BLTP1: variants seen among roughly 807,000 people sequenced by gnomAD.
BLTP1 encodes fragile site-associated protein.
the BLTP1 span, chr4:122,220,617 G>T: frequency 1.6e-6 from 1 of 640,008 alleles, no homozygotes; most frequent in Non-Finnish European, 2.6e-6. Flanking sequence ...AGTTTTGTAT[G>T]TATGTTTATG....
At chr4:122,209,829 T>C in the BLTP1 span, 130 of 1,613,258 alleles carry the variant, frequency 8.1e-5, 1 homozygote, top group Admixed American at 2.2e-3. Flanking sequence ...TCTGGTTGGG[T>C]TGAATGCTGG....
chr4:122,226,528 T>G, the BLTP1 span: 4 of 1,421,498 alleles, frequency 2.8e-6, no homozygotes, highest in Non-Finnish European at 3.7e-6. Flanking sequence ...AACATAAGCA[T>G]GTAAATGATA....
the BLTP1 span, chr4:122,276,935 T>A: frequency 1.0e-6 from 1 of 985,392 alleles, no homozygotes. Flanking sequence ...CTTCATATCT[T>A]TGAGACTATA....
At chr4:122,253,558 A>G in the BLTP1 span, among the ~76,000 whole-genome samples, 2 of 152,110 alleles carry the variant, frequency 1.3e-5, no homozygotes. Context: ...AGCAGAAGAA[A>G]GAATTAATGA....
At chr4:122,314,222 C>T in the BLTP1 span, 3 of 606,416 alleles carry the variant, frequency 4.9e-6, no homozygotes, top group Admixed American at 1.3e-4. Context: ...AATAATGTAA[C>T]ATGAATCATG....
At chr4:122,213,737 A>T in the BLTP1 span, among the ~76,000 whole-genome samples, 2 of 152,140 alleles carry the variant, frequency 1.3e-5, no homozygotes, top group African/African-American at 4.8e-5. Context: ...ATTTATGAGG[A>T]CATGTATGGA....
At chr4:122,340,953 T>C in the BLTP1 span, 5 of 441,968 alleles carry the variant, frequency 1.1e-5, no homozygotes, top group Non-Finnish European at 1.5e-5. Flanking sequence ...AAGGCAAAAA[T>C]TGAAATATGG....
chr4:122,254,833 C>G, the BLTP1 span: 1 of 1,602,886 alleles, frequency 6.2e-7, no homozygotes, highest in South Asian at 1.1e-5. Flanking sequence ...CACTGCAACA[C>G]CAGCTGTTGG....
At chr4:122,169,880 T>C in the BLTP1 span, 4 of 984,970 alleles carry the variant, frequency 4.1e-6, no homozygotes, top group African/African-American at 1.7e-5. Flanking sequence ...GGAGAATACA[T>C]AGAGGTGATG....
the BLTP1 span, among the ~76,000 whole-genome samples, chr4:122,273,682 C>G: frequency 6.6e-6 from 1 of 151,896 alleles, no homozygotes; most frequent in Non-Finnish European, 1.5e-5. Flanking sequence ...TTTGACTCAG[C>G]AATTCGAGGT....
chr4:122,164,355 C>T, the BLTP1 span: 1 of 947,994 alleles, frequency 1.1e-6, no homozygotes, highest in Non-Finnish European at 1.3e-6. Flanking sequence ...TATTACACGC[C>T]AGTTGTAAAA....
chr4:122,281,191 G>A, the BLTP1 span: 2 of 419,248 alleles, frequency 4.8e-6, no homozygotes. Context: ...AGTAGTAGTA[G>A]TAGTAATGTC....
the BLTP1 span, chr4:122,186,900 A>G: frequency 2.6e-6 from 1 of 380,564 alleles, no homozygotes; most frequent in East Asian, 1.6e-4. Flanking sequence ...TGTACTTTGT[A>G]TATGGCCAGT....
chr4:122,323,918 T>C, the BLTP1 span, among the ~76,000 whole-genome samples: 1 of 152,008 alleles, frequency 6.6e-6, no homozygotes, highest in South Asian at 2.1e-4. Context: ...TATTAAAATC[T>C]TTTAACTATC....
chr4:122,325,459 A>G, the BLTP1 span: 3 of 1,374,316 alleles, frequency 2.2e-6, no homozygotes, highest in South Asian at 5.4e-5. Context: ...AACTGTGCAT[A>G]TTACCAAGTA....
chr4:122,186,401 T>C, the BLTP1 span, among the ~76,000 whole-genome samples: 1 of 152,002 alleles, frequency 6.6e-6, no homozygotes, highest in Non-Finnish European at 1.5e-5. Context: ...ATAGAATATG[T>C]AATCTAAAAA....
chr4:122,275,252 T>C, the BLTP1 span, among the ~76,000 whole-genome samples: 1 of 152,110 alleles, frequency 6.6e-6, no homozygotes. Flanking sequence ...AAGCCTCACC[T>C]AGATTATTAT....
chr4:122,347,593 G>A, the BLTP1 span: 1 of 1,613,780 alleles, frequency 6.2e-7, no homozygotes, highest in Middle Eastern at 1.7e-4. Context: ...ATCAAGAAAA[G>A]CTTACTGCAA....
chr4:122,193,613 C>T, the BLTP1 span: 1 of 688,276 alleles, frequency 1.5e-6, no homozygotes. Context: ...TATGAGGGAG[C>T]ATCTAAGTTT....
Sources: allele counts gnomAD v4.1 joint callset (sites outside exome capture counted in the v4.1 genomes callset), GRCh38; gene constraint gnomAD v4.1.1; transcripts MANE v1.5; gene names NCBI Gene and HGNC (gene_info 2026-07-23, HGNC 2026-07-21).